Variants in KIF1A observed in about 807,000 individuals in gnomAD.
KIF1A encodes kinesin-like protein KIF1A.
In KIF1A, 46 loss-of-function variants were observed where a neutral mutation model predicts 227.3. The ratio of observed to expected loss-of-function variants is 0.20; its 90% CI spans 0.16 to 0.26. The LOEUF (loss-of-function observed/expected upper bound fraction) is 0.26. KIF1A is among the 10% of genes least tolerant of loss of function. The pLI, the probability that KIF1A is intolerant of heterozygous loss-of-function variation, is 1.00. For synonymous variants in KIF1A, 1,022 were observed against 1,012.8 expected, an observed-to-expected ratio of 1.01 and a Z score of -0.17; for missense variants, 1,683 against 2,485.9, an observed-to-expected ratio of 0.68 and a Z score of 6.87.
intron 31 of KIF1A, 69 bp from the exon 32 acceptor site, chr2:240,745,586 C>A: frequency 2.0e-6 from 3 of 1,497,276 alleles, no homozygotes; most frequent in Non-Finnish European, 2.7e-6. Context: ...AGGTGGAACC[C>A]ACCTCACACG....
intron 38 of KIF1A, among the ~76,000 whole-genome samples, chr2:240,732,318 T>G (rs1320465557): frequency 3.7e-4 from 21 of 56,934 alleles, no homozygotes; most frequent in South Asian, 6.2e-4. Context: ...GAGGAGGGGA[T>G]GAGGAAATGA....
intron 28 of KIF1A, chr2:240,748,547 G>A (rs765041955): frequency 3.9e-4 from 69 of 179,108 alleles, no homozygotes; most frequent in Admixed American, 2.1e-3. Flanking sequence ...GGGAGCTGCT[G>A]GCACAAGGCA....
At chr2:240,811,981 G>A (rs2057901600) in intron 1 of KIF1A, among the ~76,000 whole-genome samples, 1 of 152,080 alleles carries the variant, frequency 6.6e-6, no homozygotes, top group African/African-American at 2.4e-5. Flanking sequence ...GGTATGGCCA[G>A]CCGGCTGTGA....
chr2:240,779,516 T>A (rs192645111), intron 10 of KIF1A, among the ~76,000 whole-genome samples: 1 of 145,174 alleles, frequency 6.9e-6, no homozygotes, highest in Non-Finnish European at 1.5e-5. Flanking sequence ...CCACACTCAG[T>A]TCCTCACAGT....
intron 44 of KIF1A, among the ~76,000 whole-genome samples, chr2:240,721,509 A>AG (rs1299722171): frequency 1.8e-4 from 28 of 152,294 alleles, no homozygotes; most frequent in Admixed American, 7.8e-4. Flanking sequence ...CAGAGGCCAC[A>AG]GGGTGATGGC....
At chr2:240,774,437 C>T (rs1185087500) in intron 11 of KIF1A, among the ~76,000 whole-genome samples, 176 bp from the exon 12 acceptor site, 1 of 134,292 alleles carries the variant, frequency 7.4e-6, no homozygotes, top group Admixed American at 8.2e-5. Context: ...ACAGCAAGGA[C>T]CTGGCCTTCC....
chr2:240,783,668 G>T, intron 8 of KIF1A, 71 bp downstream of exon 8: 1 of 1,261,798 alleles, frequency 7.9e-7, no homozygotes, highest in Non-Finnish European at 1.1e-6. Context: ...CCCCAACAGA[G>T]CCCTCCTGCC....
chr2:240,741,225 C>A, intron 35 of KIF1A, 44 bp downstream of exon 35: 1 of 1,364,196 alleles, frequency 7.3e-7, no homozygotes, highest in Non-Finnish European at 1.0e-6. Context: ...CGCGCACCCC[C>A]CGACACACAC....
intron 38 of KIF1A, chr2:240,734,570 G>A (rs1181626121): frequency 4.6e-6 from 2 of 435,574 alleles, no homozygotes; most frequent in East Asian, 7.2e-5. Flanking sequence ...AAGACGGGAG[G>A]AACAGGAGGA....
In KIF1A at chr2:240,724,026, T is replaced by C. The variant is rs2045705493; in HGVS notation, c.4267A>G (p.Thr1423Ala). The C allele has an allele frequency of 6.2e-7, 1 of 1,612,400 alleles. No individual in the cohort carries two copies. ...SLRASESNRV[T>A]GVYELSLCHV... ...CACAGGCTGAGCTCGTACACACCAG[T>C]CACACGGTTACTGTGGGGAGTAGAA... Residue 1423 changes from threonine (T) to alanine (A), a missense_variant, in exon 41 of 49, where the codon ACT (threonine) becomes GCT (alanine). Thr to Ala is a moderately conservative substitution (Grantham distance 58). Transcript: ENST00000498729.
In KIF1A at chr2:240,771,078, G is replaced by C. The variant is rs763360043; in HGVS notation, c.1234C>G (p.Pro412Ala). ...GACAGGGCTGAGAGCGAGGATGAGG[G>C]GCTCATACCCACCAGGGCATTGGTC... ...KLTNALVGMS[P>A]SSSLSALSSR... Residue 412 changes from proline (P) to alanine (A), a missense_variant, in exon 15 of 49, where the codon CCC becomes GCC. Physicochemically the swap from Pro to Ala is conservative, Grantham distance 27. Coordinates refer to ENST00000498729, the MANE Select transcript of KIF1A (RefSeq NM_001244008.2). 1 of 1,613,588 alleles carries C rather than the reference G, an allele frequency of 6.2e-7. No individual in the cohort carries two copies. Among genetic ancestry groups the C allele is most frequent in the Non-Finnish European group, 8.5e-7 (1 of 1,179,822 alleles).
intron 1 of KIF1A, among the ~76,000 whole-genome samples, chr2:240,811,915 G>A (rs576532066): frequency 6.6e-5 from 10 of 152,238 alleles, no homozygotes; most frequent in African/African-American, 1.9e-4. Flanking sequence ...AAGATGGCCC[G>A]AGGGCAGGAG....
Position 240,719,002 on chromosome 2 carries a change from G to C in KIF1A, c.5214+4C>G. On this transcript the variant is annotated splice_donor_region_variant and intron_variant, in intron 47 of 48. Transcript: ENST00000498729. ...GCCCGAGCCTGAGCCGGGCCCAGCC[G>C]CACCTTGAGCATAGCCTGCTGGTCC... 1 of 1,596,828 alleles carries C rather than the reference G, an allele frequency of 6.3e-7. No individual in the cohort carries two copies. Among genetic ancestry groups the C allele is most frequent in the Non-Finnish European group, 8.6e-7 (1 of 1,167,614 alleles).
intron 10 of KIF1A, chr2:240,781,722 G>A (rs1489017886): frequency 1.0e-5 from 10 of 978,130 alleles, no homozygotes; most frequent in Non-Finnish European, 9.7e-6. Flanking sequence ...TTTCCCACAC[G>A]CTTCCTCTCC....
intron 1 of KIF1A, among the ~76,000 whole-genome samples, chr2:240,811,238 A>C (rs957845176): frequency 1.3e-5 from 2 of 152,090 alleles, no homozygotes; most frequent in South Asian, 2.1e-4. Flanking sequence ...GGTGGCAGGC[A>C]CCCATAATCC....
intron 12 of KIF1A, 113 bp downstream of exon 12, chr2:240,774,070 C>A (rs1386300423): frequency 3.1e-6 from 2 of 638,442 alleles, no homozygotes; most frequent in East Asian, 2.8e-5. Context: ...CCAGGGTATA[C>A]CCCTCACAAA....
chr2:240,745,624 G>C, intron 31 of KIF1A, 107 bp from the exon 32 acceptor site: 1 of 1,485,014 alleles, frequency 6.7e-7, no homozygotes, highest in South Asian at 1.2e-5. Context: ...AGGGCCTGCG[G>C]GCTGGGCCAA....
At chr2:240,781,984 A>G (rs909003443) in intron 10 of KIF1A, 1 of 985,364 alleles carries the variant, frequency 1.0e-6, no homozygotes, top group Non-Finnish European at 1.2e-6. Flanking sequence ...TTTCCCAGTG[A>G]GCACCTCGCG....
rs769826407 is a variant in KIF1A at position 240,763,112 on chromosome 2, G to A, written c.1950-21C>T. 5.6e-6 allele frequency: 9 copies of A among 1,597,730 alleles called. No homozygotes were observed. The African/African-American group carries it at 9.4e-5, about 17-fold the overall frequency. On this transcript the variant is annotated intron_variant, in intron 21 of 48. Transcript: ENST00000498729. ...GGAGCCTGCAAGGGGGCATTGGGGT[G>A]AGCACGGGAGGGCAGGAGGGGCAGC...
Sources: allele counts gnomAD v4.1 joint callset (sites outside exome capture counted in the v4.1 genomes callset), GRCh38; gene constraint gnomAD v4.1.1; transcripts MANE v1.5; gene names NCBI Gene and HGNC (gene_info 2026-07-23, HGNC 2026-07-21).